The following NGEF variants were observed in gnomAD, a reference collection of about 807,000 sequenced individuals.
NGEF encodes the protein ephexin-1.
A neutral mutation model predicts 80.9 loss-of-function variants in NGEF; 31 were observed. The observed-to-expected ratio is 0.38, with a 90% CI of 0.29 to 0.52. NGEF has a LOEUF of 0.52. NGEF is among the 20% of genes least tolerant of loss of function. NGEF has a pLI of 0.84. For missense variants in NGEF, 709 were observed against 926.2 expected, an observed-to-expected ratio of 0.77 and a Z score of 3.04; for synonymous variants, 371 against 370.2, an observed-to-expected ratio of 1.00 and a Z score of -0.03.
intron 1 of NGEF, among the ~76,000 whole-genome samples, chr2:232,981,538 A>G (rs1025361100): frequency 3.3e-5 from 5 of 152,188 alleles, no homozygotes; most frequent in Middle Eastern, 3.4e-3. Context: ...CCTGCACTGG[A>G]TGGATCAGCT....
intron 3 of NGEF, 170 bp downstream of exon 3, chr2:232,970,044 T>C: frequency 4.9e-6 from 2 of 404,104 alleles, no homozygotes; most frequent in South Asian, 5.3e-5. Context: ...AAACAAAAGT[T>C]TTTTTTAAAT....
chr2:232,974,856 G>C lies in NGEF; in HGVS notation c.35C>G (p.Thr12Ser). 1 of 1,613,906 alleles carries C rather than the reference G, an allele frequency of 6.2e-7. No individual in the cohort carries two copies. The highest frequency in any genetic ancestry group is 8.5e-7 in the Non-Finnish European group (1 of 1,179,974). ...ETRESEDLEK[T>S]RRKSASDQWN... ...TTGATCACTTGCTGATTTCCTCCGG[G>C]TCTTTTCCAAATCTTCAGATTCCCT... Residue 12 changes from threonine (T) to serine (S), a missense_variant, in exon 2 of 15, where the codon ACC (threonine) becomes AGC (serine). By Grantham distance (58) the Thr-to-Ser change is moderately conservative. Transcript: ENST00000264051.
intron 12 of NGEF, among the ~76,000 whole-genome samples, chr2:232,882,960 G>A (rs1278745696): frequency 1.3e-5 from 2 of 152,154 alleles, no homozygotes; most frequent in South Asian, 2.1e-4. Flanking sequence ...CAGGGAGCAG[G>A]AGGATGGTGG....
intron 3 of NGEF, among the ~76,000 whole-genome samples, chr2:232,957,337 T>G (rs1693851788): frequency 6.6e-6 from 1 of 152,084 alleles, no homozygotes; most frequent in South Asian, 2.1e-4. Context: ...ATTATTATTA[T>G]TTTGAGATGG....
intron 3 of NGEF, among the ~76,000 whole-genome samples, chr2:232,939,353 G>A (rs1693394752): frequency 6.6e-6 from 1 of 152,158 alleles, no homozygotes; most frequent in Non-Finnish European, 1.5e-5. Flanking sequence ...AATAGAAAGT[G>A]ATATTATTAT....
chr2:232,983,826 G>C (rs192519264), intron 1 of NGEF, among the ~76,000 whole-genome samples: 1 of 152,164 alleles, frequency 6.6e-6, no homozygotes. Flanking sequence ...TTTTAGAGAC[G>C]AGAATGCTGA....
At chr2:232,911,977 A>G (rs1692698333) in intron 5 of NGEF, among the ~76,000 whole-genome samples, 1 of 152,142 alleles carries the variant, frequency 6.6e-6, no homozygotes, top group Non-Finnish European at 1.5e-5. Context: ...TCTAATCTAT[A>G]TGCCTTTTAT....
chr2:232,970,039 A>G (rs1476235534), intron 3 of NGEF, 175 bp downstream of exon 3: 4 of 400,072 alleles, frequency 1.0e-5, no homozygotes, highest in Non-Finnish European at 1.7e-5. Context: ...GTACAAAACA[A>G]AAGTTTTTTT....
At chr2:232,922,936 G>A (rs897995274) in intron 4 of NGEF, among the ~76,000 whole-genome samples, 4 of 152,180 alleles carry the variant, frequency 2.6e-5, no homozygotes, top group Non-Finnish European at 5.9e-5. Flanking sequence ...CGGGTGTGGT[G>A]GCGGGTGCCT....
At chr2:232,909,381 T>C (rs1273845652) in intron 5 of NGEF, among the ~76,000 whole-genome samples, 3 of 152,236 alleles carry the variant, frequency 2.0e-5, no homozygotes, top group Admixed American at 2.0e-4. Flanking sequence ...CCTTGCTTAA[T>C]GTATATGATT....
At chr2:232,997,028 G>A (rs1484051671) in intron 1 of NGEF, among the ~76,000 whole-genome samples, 2 of 152,146 alleles carry the variant, frequency 1.3e-5, no homozygotes, top group African/African-American at 2.4e-5. Context: ...CATTCTGAAC[G>A]TTCTCTCTTG....
chr2:232,934,190 C>T (rs540475758), intron 3 of NGEF, among the ~76,000 whole-genome samples: 4 of 147,384 alleles, frequency 2.7e-5, no homozygotes, highest in Admixed American at 7.0e-5. Flanking sequence ...TGCAGTGAGC[C>T]GAGATTGCGC....
intron 3 of NGEF, among the ~76,000 whole-genome samples, chr2:232,953,099 C>T (rs573328573): frequency 3.7e-4 from 56 of 150,328 alleles, no homozygotes; most frequent in African/African-American, 1.1e-3. Context: ...GTCAGATGTT[C>T]GAGACCAGCC....
intron 1 of NGEF, among the ~76,000 whole-genome samples, chr2:233,001,448 G>A (rs541131887): frequency 6.6e-6 from 1 of 152,330 alleles, no homozygotes; most frequent in African/African-American, 2.4e-5. Context: ...CCTGAGGAAG[G>A]TTTCCTGAGG....
At chr2:232,927,023 G>A (rs770538770) in intron 4 of NGEF, 21 bp downstream of exon 4, 7 of 1,613,792 alleles carry the variant, frequency 4.3e-6, no homozygotes, top group South Asian at 2.2e-5. Flanking sequence ...AATAAAACCC[G>A]GTTACTGCGG....
chr2:232,944,453 T>A (rs917985364), intron 3 of NGEF, among the ~76,000 whole-genome samples: 3 of 152,026 alleles, frequency 2.0e-5, no homozygotes, highest in Admixed American at 6.6e-5. Context: ...AACCATGGTA[T>A]AGTCACCAGA....
chr2:232,888,764 C>T (rs1336682681), intron 8 of NGEF, among the ~76,000 whole-genome samples: 3 of 152,126 alleles, frequency 2.0e-5, no homozygotes, highest in Non-Finnish European at 2.9e-5. Flanking sequence ...CATTTGGCCC[C>T]GAAACTTTGT....
chr2:232,887,553 G>A (rs1691731104), intron 9 of NGEF, among the ~76,000 whole-genome samples: 1 of 152,204 alleles, frequency 6.6e-6, no homozygotes, highest in Admixed American at 6.5e-5. Flanking sequence ...CAGGGCACAG[G>A]GAAAGTGGGA....
At chr2:232,928,189 T>G in intron 3 of NGEF, 1 of 917,602 alleles carries the variant, frequency 1.1e-6, no homozygotes, top group Non-Finnish European at 1.3e-6. Context: ...CTCCCGGGGT[T>G]GCCACGGCAA....
Sources: allele counts gnomAD v4.1 joint callset (sites outside exome capture counted in the v4.1 genomes callset), GRCh38; gene constraint gnomAD v4.1.1; transcripts MANE v1.5; gene names NCBI Gene and HGNC (gene_info 2026-07-23, HGNC 2026-07-21).